SCRN1: variants seen among roughly 807,000 people sequenced by gnomAD.
SCRN1 encodes secernin-1.
In SCRN1, 19 loss-of-function variants were observed where a neutral mutation model predicts 43.3. The observed-to-expected ratio is 0.44, with a 90% CI of 0.31 to 0.64. The LOEUF is 0.64. SCRN1 is among the 30% of genes least tolerant of loss of function. The pLI is 0.09. For synonymous variants in SCRN1, 183 were observed against 188.9 expected (o/e 0.97, Z 0.26); for missense variants, 447 against 524.1 (o/e 0.85, Z 1.44).
upstream of SCRN1, chr7:29,989,960 G>T (rs1365745953): frequency 2.2e-6 from 3 of 1,379,146 alleles, no homozygotes; most frequent in African/African-American, 1.5e-5. Flanking sequence ...TAGGGAGGGG[G>T]CCTGGGAGCT....
rs59395122 is a variant in SCRN1 at position 29,925,854 on chromosome 7, C to CAA, written c.1086+596_1086+597dup. 5.0e-3 allele frequency among the ~76,000 whole-genome samples: 417 copies of CAA among 83,940 alleles called. 2 individuals carry two copies. Among genetic ancestry groups the CAA allele is most frequent in the African/African-American group, 8.8e-3 (213 of 24,234 alleles). 55.1% of individuals were successfully genotyped at this position (83,940 alleles called of 152,430 possible). ...TGAAACCCCGTCTCTACTAAAAATA[C>CAA]AAAAAAAAAAAAAAAAAACCCTAGG... On this transcript the variant is annotated intron_variant, in intron 7 of 7. Transcript: ENST00000242059.
chr7:29,952,184 G>C (rs189470278), intron 3 of SCRN1, among the ~76,000 whole-genome samples: 2 of 152,240 alleles, frequency 1.3e-5, no homozygotes, highest in Non-Finnish European at 2.9e-5. Context: ...GCACCAGCTG[G>C]AGAACTTGTT....
At chr7:29,955,882 T>C (rs539284107) in intron 2 of SCRN1, among the ~76,000 whole-genome samples, 2 of 152,306 alleles carry the variant, frequency 1.3e-5, no homozygotes, top group Admixed American at 6.5e-5. Flanking sequence ...CAGAAAAGGA[T>C]AATAACATTT....
chr7:29,982,409 A>G (rs1288557477), intron 1 of SCRN1, among the ~76,000 whole-genome samples: 1 of 152,084 alleles, frequency 6.6e-6, no homozygotes, highest in Non-Finnish European at 1.5e-5. Context: ...GCCAGGTGCT[A>G]TAGCCCATGC....
At chr7:29,939,390 T>C (rs1011709494) in intron 5 of SCRN1, among the ~76,000 whole-genome samples, 4 of 152,122 alleles carry the variant, frequency 2.6e-5, no homozygotes, top group Admixed American at 6.5e-5. Context: ...TTTTATTTCT[T>C]TGGAGAGATG....
At chr7:29,962,237 T>C (rs1049786262) in intron 2 of SCRN1, among the ~76,000 whole-genome samples, 1 of 147,972 alleles carries the variant, frequency 6.8e-6, no homozygotes, top group Non-Finnish European at 1.5e-5. Context: ...GTATATGTAA[T>C]TAAATTATAT....
chr7:29,971,633 CA>C (rs397889529), intron 1 of SCRN1, among the ~76,000 whole-genome samples: 6,272 of 68,336 alleles, frequency 0.092, 320 homozygotes, highest in African/African-American at 0.23. Flanking sequence ...GACCCTGTCT[CA>C]AAAAAAAAAA....
At chr7:29,988,174 G>A (rs1391860423) in intron 1 of SCRN1, among the ~76,000 whole-genome samples, 1 of 152,078 alleles carries the variant, frequency 6.6e-6, no homozygotes. Flanking sequence ...TATTTGTTAT[G>A]TGCACTGCTC....
chr7:29,949,556 T>C (rs1393113273), intron 3 of SCRN1, among the ~76,000 whole-genome samples: 1 of 151,934 alleles, frequency 6.6e-6, no homozygotes, highest in African/African-American at 2.4e-5. Flanking sequence ...TTTGTATATT[T>C]TGTAGATACA....
At chr7:29,926,049 CAT>C (rs1281219599) in intron 7 of SCRN1, among the ~76,000 whole-genome samples, 1 of 152,122 alleles carries the variant, frequency 6.6e-6, no homozygotes, top group Non-Finnish European at 1.5e-5. Context: ...TTTGAAACAA[CAT>C]ATGATTGTAT....
intron 4 of SCRN1, 29 bp from the exon 5 acceptor site, chr7:29,940,905 AAAAATATACTTATAAAG>A: frequency 6.9e-7 from 1 of 1,448,722 alleles, no homozygotes; most frequent in South Asian, 1.6e-5. Context: ...CCCATAAGTT[AAAAATATACTTATAAAG>A]ACTTAATCAA....
chr7:29,971,704 A>G (rs1291474854), intron 1 of SCRN1, among the ~76,000 whole-genome samples: 1 of 152,138 alleles, frequency 6.6e-6, no homozygotes, highest in Non-Finnish European at 1.5e-5. Flanking sequence ...ATTTTCTATT[A>G]AGCAAACCAA....
chr7:29,926,402 C>T, intron 7 of SCRN1, 50 bp downstream of exon 7: 1 of 1,589,966 alleles, frequency 6.3e-7, no homozygotes, highest in Non-Finnish European at 8.6e-7. Context: ...CCTCGCTGAC[C>T]TCGCCCGCCC....
chr7:29,940,632 G>C, intron 5 of SCRN1, 50 bp downstream of exon 5: 1 of 1,499,532 alleles, frequency 6.7e-7, no homozygotes, highest in Non-Finnish European at 9.0e-7. Context: ...AGAAACAGCT[G>C]CAAGAGAAAG....
At chr7:29,956,387 C>G (rs752512474) in intron 2 of SCRN1, among the ~76,000 whole-genome samples, 2 of 152,144 alleles carry the variant, frequency 1.3e-5, no homozygotes, top group African/African-American at 2.4e-5. Context: ...GTGTGGTGGA[C>G]GCTGTATTGA....
intron 1 of SCRN1, among the ~76,000 whole-genome samples, chr7:29,972,651 G>A (rs947310694): frequency 1.4e-4 from 21 of 152,320 alleles, no homozygotes; most frequent in South Asian, 6.2e-4. Flanking sequence ...AGCAAAGTGT[G>A]CATCAGACCT....
intron 3 of SCRN1, among the ~76,000 whole-genome samples, chr7:29,952,087 G>A (rs1033781974): frequency 4.6e-5 from 7 of 152,244 alleles, no homozygotes; most frequent in Admixed American, 1.3e-4. Context: ...AATACCTAGG[G>A]AGGCACTGAG....
chr7:29,957,576 A>T (rs1472844421), intron 2 of SCRN1, among the ~76,000 whole-genome samples: 1 of 152,260 alleles, frequency 6.6e-6, no homozygotes, highest in African/African-American at 2.4e-5. Flanking sequence ...GTTCACTGAC[A>T]TGCCCCAAGT....
rs1021898740 is a variant in SCRN1, at chr7:29,989,667, C to G, written c.-27G>C. 1 of 985,686 alleles carries G rather than the reference C, an allele frequency of 1.0e-6. No individual in the cohort carries two copies. The highest frequency in any genetic ancestry group is 1.7e-5 in the African/African-American group (1 of 57,378). 61.1% of individuals were successfully genotyped at this position (985,686 alleles called of 1,614,324 possible). A position where few individuals can be genotyped will look rare whatever the true frequency, so the allele number is the denominator to read the frequency against. ...CTGGGGCGGCGGGCTCCGGGCTCCG[C>G]TCTCCGCTCTGCGGTGCTGAGGCTG... On this transcript the variant is annotated 5_prime_UTR_variant, in exon 1 of 8. Coordinates refer to ENST00000242059, the MANE Select transcript of SCRN1 (RefSeq NM_014766.5).
Sources: allele counts gnomAD v4.1 joint callset (sites outside exome capture counted in the v4.1 genomes callset), GRCh38; gene constraint gnomAD v4.1.1; transcripts MANE v1.5; gene names NCBI Gene and HGNC (gene_info 2026-07-23, HGNC 2026-07-21).